FAF1: variants seen among roughly 807,000 people sequenced by gnomAD.
FAF1 encodes Fas associated factor 1, also known as FAS-associated factor 1.
Under a neutral mutation model 92.5 loss-of-function variants are expected in FAF1, and 25 were observed. The ratio of observed to expected loss-of-function variants is 0.27; its 90% CI spans 0.20 to 0.38. The LOEUF (loss-of-function observed/expected upper bound fraction) is 0.38, where lower values mean the gene tolerates loss of function less well. Among genes scored for constraint, FAF1 ranks in the 10% least tolerant of loss-of-function variants. The pLI, the probability that FAF1 is intolerant of heterozygous loss-of-function variation, is 1.00. For missense variants in FAF1, 636 were observed against 793.3 expected (o/e 0.80, Z 2.38); for synonymous variants, 234 against 273.2 (o/e 0.86, Z 1.42).
chr1:50,869,214 G>A (rs996715980), intron 1 of FAF1, among the ~76,000 whole-genome samples: 1 of 152,130 alleles, frequency 6.6e-6, no homozygotes, highest in Non-Finnish European at 1.5e-5. Flanking sequence ...TAGTTTCATA[G>A]TATATAATTT....
chr1:50,790,448 G>GT (rs1661522105), intron 3 of FAF1, among the ~76,000 whole-genome samples: 1 of 152,044 alleles, frequency 6.6e-6, no homozygotes, highest in South Asian at 2.1e-4. Context: ...CTTTATTTGT[G>GT]TTTTTAATGG....
chr1:50,897,036 C>A (rs1480463301), intron 1 of FAF1, among the ~76,000 whole-genome samples: 1 of 152,066 alleles, frequency 6.6e-6, no homozygotes, highest in Non-Finnish European at 1.5e-5. Flanking sequence ...AATTTCAACA[C>A]ATTTCAACAC....
intron 5 of FAF1, among the ~76,000 whole-genome samples, chr1:50,742,659 C>T (rs1659434733): frequency 6.6e-6 from 1 of 152,204 alleles, no homozygotes; most frequent in African/African-American, 2.4e-5. Context: ...GTTGGGATTA[C>T]AAGGGTGAGC....
intron 6 of FAF1, among the ~76,000 whole-genome samples, chr1:50,708,329 A>G (rs1197820090): frequency 1.3e-5 from 2 of 152,200 alleles, no homozygotes; most frequent in Admixed American, 6.6e-5. Flanking sequence ...GGTGGAAGTC[A>G]GACCACTTAC....
chr1:50,541,707 T>C (rs1648766408), intron 13 of FAF1, among the ~76,000 whole-genome samples: 1 of 150,984 alleles, frequency 6.6e-6, no homozygotes, highest in African/African-American at 2.4e-5. Flanking sequence ...TAGTACTAGC[T>C]AAACAGGATA....
intron 4 of FAF1, among the ~76,000 whole-genome samples, chr1:50,776,033 TAAC>T (rs1660949833): frequency 6.6e-6 from 1 of 152,162 alleles, no homozygotes; most frequent in Admixed American, 6.5e-5. Context: ...TATCATATAA[TAAC>T]AATATCTGAT....
chr1:50,751,947 G>C (rs554310570), intron 4 of FAF1, among the ~76,000 whole-genome samples: 1 of 152,116 alleles, frequency 6.6e-6, no homozygotes, highest in Non-Finnish European at 1.5e-5. Context: ...AGCGTTTCAG[G>C]TTTTCTTTGT....
Position 50,915,921 on chromosome 1 carries a change from TC to T in FAF1, c.45+43845del, listed in dbSNP as rs200417675. Among the ~76,000 whole-genome samples, 21 of 152,074 alleles carry T rather than the reference TC, an allele frequency of 1.4e-4. 1 individual carries two copies. Among genetic ancestry groups the T allele is most frequent in the African/African-American group, 4.8e-4 (20 of 41,466 alleles). On this transcript the variant is annotated intron_variant, in intron 1 of 18. Coordinates refer to ENST00000396153, the MANE Select transcript of FAF1 (RefSeq NM_007051.3). ...GGAACCTTTAAAAATCCTTTTTTTT[TC>T]CCCTAAAGCTGAAAATAACTTCATA...
At chr1:50,474,389 C>T (rs1646612743) in intron 18 of FAF1, among the ~76,000 whole-genome samples, 1 of 152,110 alleles carries the variant, frequency 6.6e-6, no homozygotes, top group East Asian at 1.9e-4. Flanking sequence ...AGCCTAAAGA[C>T]TATTTCAGGG....
intron 1 of FAF1, among the ~76,000 whole-genome samples, chr1:50,940,044 G>C (rs1316517333): frequency 6.6e-6 from 1 of 152,112 alleles, no homozygotes; most frequent in Non-Finnish European, 1.5e-5. Context: ...CCGAGTAGCT[G>C]GGACTACAGG....
At chr1:50,519,412 G>T (rs1346529269) in intron 15 of FAF1, among the ~76,000 whole-genome samples, 1 of 125,544 alleles carries the variant, frequency 8.0e-6, no homozygotes, top group Non-Finnish European at 1.7e-5. Flanking sequence ...GGGAGGGAGG[G>T]AGAGAAGGAA....
intron 1 of FAF1, among the ~76,000 whole-genome samples, chr1:50,952,672 T>C (rs985508258): frequency 2.0e-5 from 3 of 151,974 alleles, no homozygotes; most frequent in African/African-American, 7.3e-5. Context: ...GGAGCATCTC[T>C]GCCCGGCCGC....
At chr1:50,756,913 T>C (rs1660097879) in intron 4 of FAF1, among the ~76,000 whole-genome samples, 1 of 152,240 alleles carries the variant, frequency 6.6e-6, no homozygotes, top group Non-Finnish European at 1.5e-5. Flanking sequence ...CCTGTGGGAA[T>C]TCAAGATGAG....
At chr1:50,592,520 G>A (rs1651569054) in intron 9 of FAF1, among the ~76,000 whole-genome samples, 1 of 152,190 alleles carries the variant, frequency 6.6e-6, no homozygotes, top group South Asian at 2.1e-4. Context: ...TAGGGCCAGA[G>A]AGATGATGTA....
intron 2 of FAF1, among the ~76,000 whole-genome samples, chr1:50,803,412 G>C (rs113979341): frequency 6.6e-6 from 1 of 152,084 alleles, no homozygotes; most frequent in South Asian, 2.1e-4. Flanking sequence ...TGTAACCTTA[G>C]TATATTCACT....
intron 18 of FAF1, among the ~76,000 whole-genome samples, chr1:50,446,516 C>T (rs1646228740): frequency 6.6e-6 from 1 of 152,106 alleles, no homozygotes; most frequent in South Asian, 2.1e-4. Context: ...ATTTCTGGTC[C>T]CATGCACTTC....
chr1:50,771,329 G>T (rs535619661), intron 4 of FAF1, among the ~76,000 whole-genome samples: 14 of 152,146 alleles, frequency 9.2e-5, no homozygotes, highest in African/African-American at 3.4e-4. Flanking sequence ...TACAGAATGG[G>T]AGAAAATATT....
intron 1 of FAF1, among the ~76,000 whole-genome samples, chr1:50,941,850 TA>T (rs1430340158): frequency 6.6e-6 from 1 of 152,264 alleles, no homozygotes; most frequent in African/African-American, 2.4e-5. Context: ...ATTTTCTATT[TA>T]AAATTCATGT....
intron 13 of FAF1, among the ~76,000 whole-genome samples, chr1:50,556,692 C>T (rs936289280): frequency 6.6e-6 from 1 of 151,814 alleles, no homozygotes; most frequent in African/African-American, 2.4e-5. Flanking sequence ...CAAAAATTAG[C>T]TGGATGTAGT....
Sources: gnomAD v4.1 joint callset for allele counts (sites outside exome capture counted in the v4.1 genomes callset) on GRCh38, gnomAD v4.1.1 for gene constraint, MANE v1.5 for transcripts, NCBI Gene and HGNC (gene_info 2026-07-23, HGNC 2026-07-21) for gene names.